Variants in KHDRBS2 observed in about 807,000 individuals in gnomAD.
The protein encoded by KHDRBS2 is KH RNA binding domain containing, signal transduction associated 2.
Under a neutral mutation model 44.3 loss-of-function variants are expected in KHDRBS2, and 26 were observed. That is an observed-to-expected ratio of 0.59 (90% CI 0.43 to 0.81). KHDRBS2 has a LOEUF of 0.81. Ranked by LOEUF, KHDRBS2 falls within the 40% of genes least tolerant of loss-of-function variation. KHDRBS2 has a pLI of 0.00. For missense variants in KHDRBS2, 476 were observed against 433.1 expected (o/e 1.10, Z -0.88); for synonymous variants, 194 against 151.1 (o/e 1.28, Z -2.08).
intron 1 of KHDRBS2, among the ~76,000 whole-genome samples, chr6:62,282,985 A>C (rs2150198009): frequency 6.6e-6 from 1 of 152,246 alleles, no homozygotes; most frequent in South Asian, 2.1e-4. Context: ...ACTTCCCAGA[A>C]GCAGAAAAGA....
intron 1 of KHDRBS2, among the ~76,000 whole-genome samples, chr6:62,208,792 T>C (rs746564021): frequency 7.2e-5 from 11 of 152,212 alleles, no homozygotes; most frequent in Admixed American, 2.0e-4. Flanking sequence ...TGTTAGGTGG[T>C]ATCTGATAGT....
rs140448900 is a variant in KHDRBS2, at chr6:61,919,463, A to G, written c.484-18092T>C. 5.3e-5 allele frequency among the ~76,000 whole-genome samples: 8 copies of G among 152,004 alleles called. No homozygotes were observed. The East Asian group carries it at 1.4e-3, about 26-fold the overall frequency. ...GACTGTGCAGAGCTTGATGAGGTCT[A>G]AATTCTACAGTGTGATTAGATAAAA... On this transcript the variant is annotated intron_variant, in intron 4 of 8. Transcript: ENST00000281156.
chr6:61,865,291 A>G (rs373701898), intron 6 of KHDRBS2, among the ~76,000 whole-genome samples: 63 of 152,284 alleles, frequency 4.1e-4, no homozygotes, highest in African/African-American at 1.5e-3. Flanking sequence ...CATGCTTCTG[A>G]AAAAGATATA....
chr6:61,592,967 G>A, the KHDRBS2 span, among the ~76,000 whole-genome samples: 53 of 152,118 alleles, frequency 3.5e-4, no homozygotes, highest in Non-Finnish European at 4.4e-5. Context: ...ACAAAGCTAG[G>A]CATCTATATA....
chr6:62,252,471 T>C (rs1836707896), intron 1 of KHDRBS2, among the ~76,000 whole-genome samples: 1 of 151,964 alleles, frequency 6.6e-6, no homozygotes, highest in South Asian at 2.1e-4. Context: ...TCAAATCTTA[T>C]TATAGATATT....
chr6:62,004,951 C>T (rs545249189), intron 3 of KHDRBS2, among the ~76,000 whole-genome samples: 6 of 152,044 alleles, frequency 3.9e-5, no homozygotes, highest in Non-Finnish European at 7.4e-5. Flanking sequence ...AGGCCTTCGA[C>T]AAAATTCAAC....
chr6:62,262,477 C>A (rs1417220345), intron 1 of KHDRBS2, among the ~76,000 whole-genome samples: 2 of 151,688 alleles, frequency 1.3e-5, no homozygotes, highest in Non-Finnish European at 3.0e-5. Context: ...CTGTCATTGT[C>A]AGCAAAATCA....
At chr6:61,551,228 G>T in the KHDRBS2 span, among the ~76,000 whole-genome samples, 1 of 152,024 alleles carries the variant, frequency 6.6e-6, no homozygotes, top group Non-Finnish European at 1.5e-5. Context: ...TTTTTTGCTT[G>T]TGAATTTGTT....
At chr6:62,014,209 T>C (rs1780798816) in intron 3 of KHDRBS2, among the ~76,000 whole-genome samples, 1 of 152,202 alleles carries the variant, frequency 6.6e-6, no homozygotes. Context: ...TGAGTTCTTC[T>C]AAATTTTTTC....
At chr6:61,622,187 A>T in the KHDRBS2 span, among the ~76,000 whole-genome samples, 1 of 152,230 alleles carries the variant, frequency 6.6e-6, no homozygotes, top group South Asian at 2.1e-4. Flanking sequence ...GTAGCATGGT[A>T]AATTCCTTTA....
chr6:62,038,242 C>T (rs1178527126), intron 3 of KHDRBS2, among the ~76,000 whole-genome samples: 4 of 151,922 alleles, frequency 2.6e-5, no homozygotes, highest in Admixed American at 2.0e-4. Flanking sequence ...TGACTTCACT[C>T]TTGGTGAACC....
At chr6:62,163,513 C>G (rs1818063165) in intron 2 of KHDRBS2, among the ~76,000 whole-genome samples, 1 of 151,950 alleles carries the variant, frequency 6.6e-6, no homozygotes, top group African/African-American at 2.4e-5. Flanking sequence ...GCCGTATGAC[C>G]TATGAGACAC....
At chr6:61,963,127 T>A (rs901679887) in intron 4 of KHDRBS2, among the ~76,000 whole-genome samples, 5 of 152,096 alleles carry the variant, frequency 3.3e-5, no homozygotes, top group African/African-American at 1.2e-4. Flanking sequence ...AAGGGTACCA[T>A]CACAAATATA....
At chr6:61,729,192 C>T (rs1233325204) in intron 7 of KHDRBS2, among the ~76,000 whole-genome samples, 2 of 152,048 alleles carry the variant, frequency 1.3e-5, no homozygotes, top group Non-Finnish European at 2.9e-5. Flanking sequence ...ATGGATGGAG[C>T]TGGGGGCCAT....
At chr6:61,918,215 T>G (rs1486287085) in intron 4 of KHDRBS2, among the ~76,000 whole-genome samples, 1 of 151,962 alleles carries the variant, frequency 6.6e-6, no homozygotes, top group Non-Finnish European at 1.5e-5. Flanking sequence ...AATTTTCTTC[T>G]TGTTCTGACA....
chr6:62,108,230 G>A (rs561390543), intron 2 of KHDRBS2, among the ~76,000 whole-genome samples: 254 of 152,076 alleles, frequency 1.7e-3, no homozygotes, highest in Non-Finnish European at 1.5e-3. Flanking sequence ...TCTACAATGA[G>A]CTCAAACAAA....
the KHDRBS2 span, among the ~76,000 whole-genome samples, chr6:61,567,609 C>G: frequency 6.6e-5 from 10 of 152,266 alleles, no homozygotes; most frequent in Non-Finnish European, 1.5e-4. Flanking sequence ...CCACTGCACA[C>G]TAGCTTGGGC....
chr6:62,199,869 AC>A (rs1289674920), intron 1 of KHDRBS2, among the ~76,000 whole-genome samples: 1 of 152,228 alleles, frequency 6.6e-6, no homozygotes, highest in Admixed American at 6.5e-5. Flanking sequence ...ACAGCATGGT[AC>A]TGGTACTAAA....
chr6:61,971,748 A>G (rs2127399499), intron 4 of KHDRBS2, among the ~76,000 whole-genome samples: 1 of 152,192 alleles, frequency 6.6e-6, no homozygotes, highest in South Asian at 2.1e-4. Context: ...GACCCTAGGA[A>G]TATCACTTTC....
Sources: gnomAD v4.1 joint callset for allele counts (sites outside exome capture counted in the v4.1 genomes callset) on GRCh38, gnomAD v4.1.1 for gene constraint, MANE v1.5 for transcripts, NCBI Gene and HGNC (gene_info 2026-07-23, HGNC 2026-07-21) for gene names.